GYPB: variants seen among roughly 807,000 people sequenced by gnomAD.
GYPB encodes glycophorin-B.
In GYPB, 13 loss-of-function variants were observed where a neutral mutation model predicts 15.3. The ratio of observed to expected loss-of-function variants is 0.85; its 90% CI spans 0.55 to 1.35. GYPB has a LOEUF of 1.35. GYPB is among the 40% of genes most tolerant of loss of function. The pLI, the probability that GYPB is intolerant of heterozygous loss-of-function variation, is 0.00. For missense variants in GYPB, 131 were observed against 108.3 expected (o/e 1.21, Z -0.93); for synonymous variants, 38 against 36.9 (o/e 1.03, Z -0.11).
At chr4:144,017,746 T>A (rs1209044969) in intron 1 of GYPB, among the ~76,000 whole-genome samples, 1 of 151,432 alleles carries the variant, frequency 6.6e-6, no homozygotes, top group African/African-American at 2.5e-5. Context: ...TTGAGCTACA[T>A]CCAGTTTGGT....
intron 1 of GYPB, among the ~76,000 whole-genome samples, chr4:144,005,297 A>C (rs1727848831): frequency 6.6e-6 from 1 of 151,966 alleles, no homozygotes; most frequent in African/African-American, 2.4e-5. Flanking sequence ...TATTAGTCTC[A>C]CCTTCCAGAT....
chr4:143,995,638 C>T (rs900634063), downstream of GYPB, among the ~76,000 whole-genome samples: 45 of 150,954 alleles, frequency 3.0e-4, no homozygotes, highest in Admixed American at 3.9e-4. Context: ...GAAAGTCAGG[C>T]CCTTCTCTAC....
At chr4:144,006,160 G>C (rs1400238928) in intron 1 of GYPB, among the ~76,000 whole-genome samples, 1 of 151,912 alleles carries the variant, frequency 6.6e-6, no homozygotes, top group Non-Finnish European at 1.5e-5. Context: ...AAGTAAATCT[G>C]TGTGACCTGA....
At position 143,997,679 on chromosome 4, in the gene GYPB, C is replaced by T; in HGVS notation, c.176-45G>A. On this transcript the variant is annotated intron_variant, in intron 3 of 4. Transcript: ENST00000502664. Reference sequence around the variant, plus strand: ...TATGAAAGTCTGAAATAAATGACCACATAGCAATAGAAAAATAAGACAGAT... The same window carrying T: ...TATGAAAGTCTGAAATAAATGACCATATAGCAATAGAAAAATAAGACAGAT... 4 of 952,222 alleles carry T rather than the reference C, an allele frequency of 4.2e-6. 1 individual carries two copies. In the African/African-American group the frequency reaches 4.9e-5, roughly 12 times the overall value. 59.0% of individuals were successfully genotyped at this position (952,222 alleles called of 1,614,324 possible).
chr4:144,018,702 A>T (rs1273554536), intron 1 of GYPB, among the ~76,000 whole-genome samples: 1 of 151,276 alleles, frequency 6.6e-6, no homozygotes, highest in African/African-American at 2.5e-5. Flanking sequence ...TAAAATTCAC[A>T]CGACACCTAA....
chr4:143,995,536 GCAT>G (rs937249669), downstream of GYPB, among the ~76,000 whole-genome samples: 1 of 151,244 alleles, frequency 6.6e-6, no homozygotes, highest in Admixed American at 6.6e-5. Context: ...TGAGGCGTGG[GCAT>G]CCTGGAGTCC....
intron 4 of GYPB, 112 bp from the exon 5 acceptor site, chr4:143,996,416 T>C: frequency 3.3e-6 from 5 of 1,537,110 alleles, no homozygotes; most frequent in Non-Finnish European, 4.4e-6. Context: ...CTGTAGCCAA[T>C]TGGAGGCTTC....
chr4:144,003,250 T>A (rs1727718970), intron 1 of GYPB, among the ~76,000 whole-genome samples: 1 of 151,402 alleles, frequency 6.6e-6, no homozygotes, highest in South Asian at 2.1e-4. Context: ...TTGAAGCAGT[T>A]TTTTATTTAG....
At chr4:143,995,366 T>C (rs538236378), downstream of GYPB, among the ~76,000 whole-genome samples, 1 of 151,422 alleles carries the variant, frequency 6.6e-6, no homozygotes, top group Non-Finnish European at 1.5e-5. Flanking sequence ...CATATGACCA[T>C]GGCCTGCTCT....
In GYPB at chr4:144,017,818, A is replaced by G. The variant is rs144444174; in HGVS notation, c.37+1433T>C. 1.9e-3 allele frequency among the ~76,000 whole-genome samples: 286 copies of G among 151,484 alleles called. 17 individuals are homozygous for G. The highest frequency in any genetic ancestry group is 6.6e-3 in the African/African-American group (268 of 40,768). On this transcript the variant is annotated intron_variant, in intron 1 of 4. Transcript: ENST00000502664. The stretch of plus-strand genomic sequence containing the variant: ...TTCTGTGTAATAGCACTTCAAATAT[A>G]TGAATACATATACAAATATTACACT...
intron 1 of GYPB, among the ~76,000 whole-genome samples, chr4:144,004,703 A>G (rs1727804990): frequency 6.6e-6 from 1 of 151,888 alleles, no homozygotes; most frequent in Non-Finnish European, 1.5e-5. Flanking sequence ...AATTTCCACA[A>G]TATGATCCCT....
chr4:144,005,917 T>A (rs1386588246), intron 1 of GYPB, among the ~76,000 whole-genome samples: 2 of 151,366 alleles, frequency 1.3e-5, no homozygotes, highest in Admixed American at 6.6e-5. Flanking sequence ...TGGGCTAACA[T>A]ATGGAGAAAG....
At chr4:144,000,754 T>C (rs1727580202) in intron 2 of GYPB, among the ~76,000 whole-genome samples, 1 of 151,114 alleles carries the variant, frequency 6.6e-6, no homozygotes, top group Non-Finnish European at 1.5e-5. Context: ...TGCTGTGAGA[T>C]AAGTACTGTG....
Position 144,016,041 on chromosome 4 carries a change from C to A in GYPB, c.37+3210G>T, listed in dbSNP as rs137973494. Among the ~76,000 whole-genome samples, 391 of 138,734 alleles carry A rather than the reference C, an allele frequency of 2.8e-3. 16 individuals are homozygous for A. Among genetic ancestry groups the A allele is most frequent in the African/African-American group, 8.9e-3 (326 of 36,548 alleles). The allele number at this position is 138,734 out of a possible 152,430, so 91.0% of individuals were successfully genotyped here. A position where few individuals can be genotyped will look rare whatever the true frequency, so the allele number is the denominator to read the frequency against. On this transcript the variant is annotated intron_variant, in intron 1 of 4. Transcript: ENST00000502664. ...AAGCGAAGACACAGGTTTGGCTTTT[C>A]AAGAATTTATAGTCATGTATTCCCT...
downstream of GYPB, chr4:143,996,086 A>T (rs943693516): frequency 6.2e-6 from 8 of 1,299,824 alleles, no homozygotes; most frequent in Non-Finnish European, 8.2e-6. Context: ...ATAACAAATC[A>T]TGACTATAAT....
chr4:144,000,915 T>C (rs1435802788), intron 2 of GYPB, among the ~76,000 whole-genome samples: 2 of 151,312 alleles, frequency 1.3e-5, no homozygotes, highest in Non-Finnish European at 2.9e-5. Context: ...GTCCCCTTTA[T>C]CTGGCCCACT....
chr4:144,016,010 A>G (rs2149970723), intron 1 of GYPB, among the ~76,000 whole-genome samples: 1 of 151,134 alleles, frequency 6.6e-6, no homozygotes, highest in African/African-American at 2.5e-5. Context: ...AATGTGTGGG[A>G]CACATAAGCG....
Position 144,013,421 on chromosome 4 carries a change from A to G in GYPB, c.37+5830T>C, listed in dbSNP as rs143045730. Among the ~76,000 whole-genome samples, 648 of 151,488 alleles carry G rather than the reference A, an allele frequency of 4.3e-3. 14 individuals are homozygous for G. The highest frequency in any genetic ancestry group is 0.02 in the East Asian group (105 of 5,190). On this transcript the variant is annotated intron_variant, in intron 1 of 4. Transcript: ENST00000502664. ...TGACCCAGCCATCCAATTACTGGGT[A>G]TATACCCAAAGGACCATAAATCATG... is the stretch of plus-strand genomic sequence containing the variant.
At chr4:144,013,767 TG>T in intron 1 of GYPB, among the ~76,000 whole-genome samples, 1 of 85,050 alleles carries the variant, frequency 1.2e-5, no homozygotes, top group East Asian at 3.5e-4. Flanking sequence ...TGGGGACTGC[TG>T]TGGGGTTGGG....
Sources: allele counts gnomAD v4.1 joint callset (sites outside exome capture counted in the v4.1 genomes callset), GRCh38; gene constraint gnomAD v4.1.1; transcripts MANE v1.5; gene names NCBI Gene and HGNC (gene_info 2026-07-23, HGNC 2026-07-21).